TMTC2: variants seen among roughly 807,000 people sequenced by gnomAD.
TMTC2 encodes the protein transmembrane O-mannosyltransferase targeting cadherins 2.
A neutral mutation model predicts 82.4 loss-of-function variants in TMTC2; 43 were observed. The ratio of observed to expected loss-of-function variants is 0.52; its 90% CI spans 0.41 to 0.67. TMTC2 has a LOEUF of 0.67. TMTC2 is among the 30% of genes least tolerant of loss of function. TMTC2 has a pLI of 0.00. For synonymous variants in TMTC2, 408 were observed against 381.9 expected (o/e 1.07, Z -0.80); for missense variants, 919 against 1,012.4 (o/e 0.91, Z 1.25).
intron 8 of TMTC2, among the ~76,000 whole-genome samples, chr12:82,994,193 A>T (rs745611049): frequency 1.3e-5 from 2 of 152,132 alleles, no homozygotes; most frequent in East Asian, 3.9e-4. Context: ...GTCTCGCTGT[A>T]TCGCCCCAGG....
At chr12:82,743,677 C>T (rs1386415190) in intron 1 of TMTC2, among the ~76,000 whole-genome samples, 1 of 151,998 alleles carries the variant, frequency 6.6e-6, no homozygotes, top group East Asian at 1.9e-4. Context: ...TTTTTGAGTG[C>T]CCTTCTTCCT....
intron 8 of TMTC2, among the ~76,000 whole-genome samples, chr12:83,017,019 C>G (rs1880708264): frequency 6.6e-6 from 1 of 152,198 alleles, no homozygotes; most frequent in African/African-American, 2.4e-5. Flanking sequence ...GCTGTGACAA[C>G]AGGCCCCTGG....
At chr12:82,693,849 C>G (rs1184375923) in intron 1 of TMTC2, among the ~76,000 whole-genome samples, 1 of 151,510 alleles carries the variant, frequency 6.6e-6, no homozygotes, top group Non-Finnish European at 1.5e-5. Flanking sequence ...GTGCCTGTAA[C>G]CCCCGCTACT....
chr12:82,994,994 C>G (rs1262471473), intron 8 of TMTC2, among the ~76,000 whole-genome samples: 1 of 150,392 alleles, frequency 6.6e-6, no homozygotes, highest in African/African-American at 2.4e-5. Flanking sequence ...CTCTATGATA[C>G]TTGACTTCAT....
chr12:82,806,698 T>C (rs769515176), intron 1 of TMTC2, among the ~76,000 whole-genome samples: 5 of 151,520 alleles, frequency 3.3e-5, no homozygotes, highest in Non-Finnish European at 7.4e-5. Context: ...AACGGAAATA[T>C]CTTAAGAGAG....
intron 1 of TMTC2, among the ~76,000 whole-genome samples, chr12:82,808,187 A>G (rs986697105): frequency 3.3e-5 from 5 of 152,004 alleles, no homozygotes; most frequent in African/African-American, 7.2e-5. Flanking sequence ...TAAAATTACA[A>G]TTACCTCACA....
chr12:82,952,751 T>C (rs1458526141), intron 4 of TMTC2, among the ~76,000 whole-genome samples: 1 of 152,100 alleles, frequency 6.6e-6, no homozygotes, highest in Non-Finnish European at 1.5e-5. Context: ...TTGTTTGTTT[T>C]TAGTAGAGAC....
chr12:83,088,990 C>T (rs1203043745), intron 11 of TMTC2, among the ~76,000 whole-genome samples: 2 of 152,162 alleles, frequency 1.3e-5, no homozygotes, highest in Non-Finnish European at 2.9e-5. Context: ...ATATTTAGGG[C>T]AAAGGCTTGT....
In TMTC2 at chr12:83,061,833, T is replaced by C; in HGVS notation, c.2331+2T>C. 5.0e-6 allele frequency: 8 copies of C among 1,592,268 alleles called. No homozygotes were observed. Among genetic ancestry groups the C allele is most frequent in the Middle Eastern group, 1.7e-4 (1 of 5,996 alleles). Reference sequence around the variant, plus strand: ...CTGGCAGCCAGGCTGAGGCCTAATGTAAGTACTTCCCTAATGAGAAACATT... The same window carrying C: ...CTGGCAGCCAGGCTGAGGCCTAATGCAAGTACTTCCCTAATGAGAAACATT... On this transcript the variant is annotated splice_donor_variant, in intron 11 of 11. Transcript: ENST00000321196. LOFTEE classifies it high-confidence loss of function.
chr12:82,982,947 ATTCCTTGGTAAGCAATGAGATACG>A (rs1338657820), intron 7 of TMTC2, among the ~76,000 whole-genome samples: 2 of 152,048 alleles, frequency 1.3e-5, no homozygotes, highest in East Asian at 3.8e-4. Flanking sequence ...AAATAGTGAC[ATTCCTTGGTAAGCAATGAGATACG>A]TTTATAAAGC....
chr12:82,842,845 C>T (rs1870414333), intron 1 of TMTC2, among the ~76,000 whole-genome samples: 1 of 152,020 alleles, frequency 6.6e-6, no homozygotes, highest in Non-Finnish European at 1.5e-5. Flanking sequence ...TTCTTGGACA[C>T]CAGTCATGTT....
At chr12:82,879,511 C>T (rs546166002) in intron 2 of TMTC2, among the ~76,000 whole-genome samples, 20 of 152,330 alleles carry the variant, frequency 1.3e-4, no homozygotes, top group African/African-American at 3.8e-4. Flanking sequence ...AATGCCTGCT[C>T]ACCGCTCACC....
intron 4 of TMTC2, among the ~76,000 whole-genome samples, chr12:82,944,638 G>A (rs972887032): frequency 6.6e-6 from 1 of 151,416 alleles, no homozygotes; most frequent in Non-Finnish European, 1.5e-5. Context: ...TACAGTAAAA[G>A]ACTAAGTTGT....
intron 3 of TMTC2, among the ~76,000 whole-genome samples, chr12:82,906,392 C>T (rs748432828): frequency 3.3e-5 from 5 of 152,148 alleles, no homozygotes; most frequent in Non-Finnish European, 7.4e-5. Flanking sequence ...AGGCCAGACA[C>T]GGTGGCTCAA....
At chr12:82,886,810 C>T (rs1265906147) in intron 2 of TMTC2, among the ~76,000 whole-genome samples, 2 of 152,148 alleles carry the variant, frequency 1.3e-5, no homozygotes, top group Admixed American at 1.3e-4. Context: ...TTTGATTAAT[C>T]ACATGGATAT....
intron 1 of TMTC2, among the ~76,000 whole-genome samples, chr12:82,712,525 G>C (rs186468327): frequency 1.5e-4 from 23 of 152,208 alleles, no homozygotes; most frequent in Middle Eastern, 3.4e-3. Context: ...GACACAGGAG[G>C]GGTCTCCAAA....
chr12:82,925,145 G>T (rs1221879753), intron 3 of TMTC2, among the ~76,000 whole-genome samples: 1 of 152,110 alleles, frequency 6.6e-6, no homozygotes, highest in Non-Finnish European at 1.5e-5. Context: ...CTAAATCTGT[G>T]ATATCCATAC....
At chr12:83,070,073 T>C (rs1025916013) in intron 11 of TMTC2, among the ~76,000 whole-genome samples, 28 of 152,308 alleles carry the variant, frequency 1.8e-4, no homozygotes, top group African/African-American at 6.5e-4. Flanking sequence ...TACCAGGCTG[T>C]TTTGGTGTCT....
chr12:82,754,507 G>A (rs538212014), intron 1 of TMTC2, among the ~76,000 whole-genome samples: 1 of 152,272 alleles, frequency 6.6e-6, no homozygotes, highest in East Asian at 1.9e-4. Flanking sequence ...GGCCGAGGCG[G>A]GTGGATCACT....
Sources: allele counts gnomAD v4.1 joint callset (sites outside exome capture counted in the v4.1 genomes callset), GRCh38; gene constraint gnomAD v4.1.1; transcripts MANE v1.5; gene names NCBI Gene and HGNC (gene_info 2026-07-23, HGNC 2026-07-21).